XAGE5: variants seen among roughly 807,000 people sequenced by gnomAD.
XAGE5 encodes G antigen, family D, 5.
In XAGE5, 13 loss-of-function variants were observed where a neutral mutation model predicts 13.1. The observed-to-expected ratio is 0.99, with a 90% CI of 0.64 to 1.57. The LOEUF (loss-of-function observed/expected upper bound fraction) is 1.57. Among genes scored for constraint, XAGE5 ranks in the 40% most tolerant of loss-of-function variants. The probability of loss-of-function intolerance (pLI) is 0.00; values close to 1 mark genes in which losing one functional copy is unlikely to be tolerated. For missense variants in XAGE5, 86 were observed against 77.6 expected, an observed-to-expected ratio of 1.11 and a Z score of -0.41; for synonymous variants, 17 against 25.0, an observed-to-expected ratio of 0.68 and a Z score of 0.96.
intron 5 of XAGE5, among the ~76,000 whole-genome samples, chrX:52,817,507 C>T (rs1387388950): frequency 9.0e-6 from 1 of 111,664 alleles, no homozygotes; most frequent in Admixed American, 9.5e-5. Flanking sequence ...AAAAAAGTGT[C>T]ATTATTCATA....
chrX:52,818,127 C>T, intron 5 of XAGE5, 64 bp from the exon 6 acceptor site: 2 of 1,185,871 alleles, frequency 1.7e-6, no homozygotes, highest in Admixed American at 2.2e-5. Flanking sequence ...CCTTTGCATA[C>T]CTTTAATTTC....
intron 3 of XAGE5, 39 bp from the exon 4 acceptor site, chrX:52,813,101 C>T: frequency 8.7e-7 from 1 of 1,151,277 alleles, no homozygotes; most frequent in East Asian, 3.0e-5. Context: ...AATTTTTTAT[C>T]TCCACACACA....
intron 5 of XAGE5, among the ~76,000 whole-genome samples, chrX:52,816,797 C>A (rs1273079948): frequency 9.0e-6 from 1 of 111,697 alleles, no homozygotes; most frequent in Non-Finnish European, 1.9e-5. Flanking sequence ...ACTGAACAAG[C>A]CTCAGTTGTA....
intron 3 of XAGE5, 37 bp from the exon 4 acceptor site, chrX:52,813,103 C>CCA (rs199977618): frequency 1.3e-5 from 15 of 1,154,442 alleles, no homozygotes; most frequent in East Asian, 6.0e-5. Context: ...TTTTTTATCT[C>CCA]CACACACACA....
intron 3 of XAGE5, 42 bp downstream of exon 3, chrX:52,812,680 T>G (rs373807312): frequency 6.9e-6 from 8 of 1,152,719 alleles, no homozygotes; most frequent in Non-Finnish European, 9.5e-6. Flanking sequence ...TAGCAGAAAT[T>G]TTTTTGTGTG....
At chrX:52,817,741 T>C (rs1263300652) in intron 5 of XAGE5, among the ~76,000 whole-genome samples, 2 of 112,527 alleles carry the variant, frequency 1.8e-5, no homozygotes, top group African/African-American at 6.4e-5. Context: ...TAGGAACCTA[T>C]TGGACATTCA....
chrX:52,817,084 AC>A (rs1926918437), intron 5 of XAGE5, among the ~76,000 whole-genome samples: 1 of 112,108 alleles, frequency 8.9e-6, no homozygotes, highest in South Asian at 3.7e-4. Context: ...AAAAAGCACA[AC>A]ATGGAATATG....
rs1926946723 is a variant in XAGE5, at chrX:52,818,222, A to C, written c.*9A>C. The C allele has an allele frequency of 8.3e-7, 1 of 1,210,067 alleles. No individual in the cohort carries two copies. Among genetic ancestry groups the C allele is most frequent in the African/African-American group, 1.7e-5 (1 of 57,410 alleles). Reference sequence around the variant, plus strand: ...GGAAACCACAGCTTTAAACGAAGACAACCAAAAGAATGCAAACTGGATTTA... The same window carrying C: ...GGAAACCACAGCTTTAAACGAAGACCACCAAAAGAATGCAAACTGGATTTA... On this transcript the variant is annotated 3_prime_UTR_variant, in exon 6 of 6. Coordinates refer to ENST00000375501, the MANE Select transcript of XAGE5 (RefSeq NM_001386970.1).
At chrX:52,812,908 G>T (rs1466409061) in intron 3 of XAGE5, among the ~76,000 whole-genome samples, 2 of 111,331 alleles carry the variant, frequency 1.8e-5, no homozygotes, top group Non-Finnish European at 3.8e-5. Flanking sequence ...AATTAAAATG[G>T]CTTCCAACGC....
chrX:52,812,268 C>CTTTGG (rs2146526803), intron 2 of XAGE5: 1 of 251,977 alleles, frequency 4.0e-6, no homozygotes, highest in East Asian at 7.4e-5. Flanking sequence ...CTGGTTTTTG[C>CTTTGG]TTTGGTTTGG....
intron 2 of XAGE5, among the ~76,000 whole-genome samples, 89 bp downstream of exon 2, chrX:52,811,808 G>A (rs988890469): frequency 9.0e-6 from 1 of 110,712 alleles, no homozygotes; most frequent in Non-Finnish European, 1.9e-5. Context: ...GTGCCCGCCC[G>A]GTGAGGACTG....
intron 4 of XAGE5, 24 bp downstream of exon 4, chrX:52,813,269 T>G (rs782329494): frequency 3.0e-5 from 35 of 1,174,551 alleles, no homozygotes; most frequent in Non-Finnish European, 3.8e-5. Flanking sequence ...AAAGAAGGAA[T>G]GTCTATGGGG....
At position 52,818,245 on chromosome X, in the gene XAGE5, T is replaced by G. The variant is rs782051944; in HGVS notation, c.*32T>G. On this transcript the variant is annotated 3_prime_UTR_variant, in exon 6 of 6. Coordinates refer to ENST00000375501, the MANE Select transcript of XAGE5 (RefSeq NM_001386970.1). ...ACAACCAAAAGAATGCAAACTGGAT[T>G]TATCCGAGATATTTGACTTTTAAAA... 2.6e-5 allele frequency: 31 copies of G among 1,205,424 alleles called. No individual in the cohort carries two copies. In the South Asian group the frequency reaches 5.3e-4, roughly 21 times the overall value.
At position 52,814,819 on chromosome X, in the gene XAGE5, T is replaced by C. The variant is rs1926873685; in HGVS notation, c.179-273T>C. 1.5e-5 allele frequency: 4 copies of C among 270,263 alleles called. No individual in the cohort carries two copies. The South Asian group carries it at 1.9e-4, about 13-fold the overall frequency. 22.3% of individuals were successfully genotyped at this position (270,263 alleles called of 1,213,427 possible). On this transcript the variant is annotated intron_variant, in intron 4 of 5. Transcript: ENST00000375501. ...CCTTCAGAAAATTACATTTAAGTTA[T>C]GATTAAAATGCTATCCGTGAGGCCG...
At chrX:52,814,168 C>G (rs1556777770) in intron 4 of XAGE5, 1 of 316,717 alleles carries the variant, frequency 3.2e-6, no homozygotes, top group Admixed American at 3.2e-5. Flanking sequence ...GCTTAATACT[C>G]AAATGTGTCT....
At position 52,815,343 on chromosome X, in the gene XAGE5, G is replaced by A. The variant is rs1162735895; in HGVS notation, c.304+126G>A. 9 of 855,216 alleles carry A rather than the reference G, an allele frequency of 1.1e-5. No individual in the cohort carries two copies. In the South Asian group the frequency reaches 2.5e-4, roughly 23 times the overall value. The allele number at this position is 855,216 out of a possible 1,213,427, so 70.5% of individuals were successfully genotyped here. A position where few individuals can be genotyped will look rare whatever the true frequency, so the allele number is the denominator to read the frequency against. On this transcript the variant is annotated intron_variant, in intron 5 of 5. Transcript: ENST00000375501. ...AGAGTTCAAATGCAGACTTTCTTTG[G>A]AAGGTAATTCAGACCCCAGAAGCCT...
chrX:52,813,932 G>A (rs1181192675), intron 4 of XAGE5, among the ~76,000 whole-genome samples: 1 of 111,234 alleles, frequency 9.0e-6, no homozygotes, highest in African/African-American at 3.3e-5. Context: ...GAGCCCGTGC[G>A]GCGGAGGCTG....
chrX:52,814,681 A>C (rs782028154), intron 4 of XAGE5, among the ~76,000 whole-genome samples: 1 of 111,962 alleles, frequency 8.9e-6, no homozygotes. Flanking sequence ...GGGCCTTTCA[A>C]CCTAAGAATT....
intron 4 of XAGE5, among the ~76,000 whole-genome samples, chrX:52,814,751 G>A (rs1440677037): frequency 8.9e-6 from 1 of 111,826 alleles, no homozygotes; most frequent in Non-Finnish European, 1.9e-5. Context: ...TGAGTGTCAG[G>A]ACCATAAGAT....
Sources: allele counts gnomAD v4.1 joint callset (sites outside exome capture counted in the v4.1 genomes callset), GRCh38; gene constraint gnomAD v4.1.1; transcripts MANE v1.5; gene names NCBI Gene and HGNC (gene_info 2026-07-23, HGNC 2026-07-21).